Variants in HHIP observed in about 807,000 individuals in gnomAD.
HHIP encodes the protein hedgehog interacting protein, also known as hedgehog-interacting protein.
HHIP carries 12 observed loss-of-function variants against 74.0 expected under a neutral mutation model. The ratio of observed to expected loss-of-function variants is 0.16; its 90% CI spans 0.10 to 0.26. HHIP has a LOEUF of 0.26. Among genes scored for constraint, HHIP ranks in the 10% least tolerant of loss-of-function variants. The pLI, the probability that HHIP is intolerant of heterozygous loss-of-function variation, is 1.00. For synonymous variants in HHIP, 309 were observed against 311.6 expected (o/e 0.99, Z 0.09); for missense variants, 788 against 845.0 (o/e 0.93, Z 0.84).
chr4:144,656,708 T>A (rs1018174825), intron 2 of HHIP, among the ~76,000 whole-genome samples: 5 of 152,196 alleles, frequency 3.3e-5, no homozygotes, highest in Admixed American at 6.5e-5. Flanking sequence ...GCATGCATAA[T>A]ATAGGCATGG....
intron 4 of HHIP, among the ~76,000 whole-genome samples, chr4:144,704,928 G>A (rs921668142): frequency 2.6e-5 from 4 of 152,114 alleles, no homozygotes; most frequent in Non-Finnish European, 4.4e-5. Context: ...CAGCACCATC[G>A]AGTCAATATT....
intron 1 of HHIP, chr4:144,650,933 T>G (rs1370566502): frequency 6.6e-6 from 1 of 152,064 alleles, no homozygotes; most frequent in Non-Finnish European, 1.5e-5. Flanking sequence ...AATGGAAGAA[T>G]GCATAATCTC....
In HHIP at chr4:144,706,696, G is replaced by A. The variant is rs201355400; in HGVS notation, c.983+14G>A. On this transcript the variant is annotated intron_variant, in intron 5 of 12. Transcript: ENST00000296575. ...CACAGTATCCAGGTATCACTAAAAGGCATCGAAGCATAGAAATTTCTCATC... is the reference window on the plus strand; with the variant it reads ...CACAGTATCCAGGTATCACTAAAAGACATCGAAGCATAGAAATTTCTCATC... 1 of 1,569,956 alleles carries A rather than the reference G, an allele frequency of 6.4e-7. No homozygotes were observed. Among genetic ancestry groups the A allele is most frequent in the Non-Finnish European group, 8.6e-7 (1 of 1,164,384 alleles).
intron 4 of HHIP, among the ~76,000 whole-genome samples, chr4:144,667,278 G>T (rs568292507): frequency 6.6e-6 from 1 of 152,278 alleles, no homozygotes; most frequent in South Asian, 2.1e-4. Context: ...GAGCCCAGGA[G>T]TTCAAGGTTG....
intron 4 of HHIP, among the ~76,000 whole-genome samples, chr4:144,697,369 A>G (rs1729849617): frequency 1.3e-5 from 2 of 152,026 alleles, no homozygotes; most frequent in Non-Finnish European, 2.9e-5. Context: ...GATATTTCAC[A>G]CAGTTTAATT....
At chr4:144,734,203 A>C (rs1731043169) in intron 11 of HHIP, among the ~76,000 whole-genome samples, 1 of 151,752 alleles carries the variant, frequency 6.6e-6, no homozygotes, top group African/African-American at 2.4e-5. Flanking sequence ...ATATTATCTC[A>C]AAAGAAATAT....
chr4:144,721,563 GA>G (rs111346112), intron 11 of HHIP, among the ~76,000 whole-genome samples: 1,841 of 108,762 alleles, frequency 0.017, 49 homozygotes, highest in African/African-American at 0.059. Flanking sequence ...AAAAAAAATA[GA>G]AAATGCCTAG....
intron 12 of HHIP, among the ~76,000 whole-genome samples, chr4:144,735,761 C>A (rs1290701147): frequency 2.0e-5 from 3 of 152,224 alleles, no homozygotes; most frequent in Non-Finnish European, 1.5e-5. Flanking sequence ...TGTTTGTCCT[C>A]AAGATGTATT....
At chr4:144,688,946 A>T (rs367821700) in intron 4 of HHIP, among the ~76,000 whole-genome samples, 5 of 152,244 alleles carry the variant, frequency 3.3e-5, no homozygotes, top group African/African-American at 1.2e-4. Context: ...GGACGATGCC[A>T]TACCAGTAGG....
At chr4:144,674,261 T>G (rs1729118224) in intron 4 of HHIP, among the ~76,000 whole-genome samples, 1 of 152,246 alleles carries the variant, frequency 6.6e-6, no homozygotes, top group East Asian at 1.9e-4. Flanking sequence ...AAATAATGTT[T>G]TAATTTTGTC....
At chr4:144,687,867 A>C (rs1729533066) in intron 4 of HHIP, among the ~76,000 whole-genome samples, 1 of 146,624 alleles carries the variant, frequency 6.8e-6, no homozygotes, top group Non-Finnish European at 1.5e-5. Flanking sequence ...ACTTGTTAGG[A>C]ATGGAAATCC....
At chr4:144,665,796 C>A (rs1248647491) in intron 4 of HHIP, among the ~76,000 whole-genome samples, 1 of 152,178 alleles carries the variant, frequency 6.6e-6, no homozygotes, top group Non-Finnish European at 1.5e-5. Flanking sequence ...ACTGGAGTGA[C>A]AGATGCCATG....
At chr4:144,689,642 T>G (rs1162896072) in intron 4 of HHIP, among the ~76,000 whole-genome samples, 1 of 152,222 alleles carries the variant, frequency 6.6e-6, no homozygotes, top group East Asian at 1.9e-4. Context: ...ACCAATATTT[T>G]ATAGACCATT....
At chr4:144,672,125 A>G (rs1176697086) in intron 4 of HHIP, among the ~76,000 whole-genome samples, 1 of 152,104 alleles carries the variant, frequency 6.6e-6, no homozygotes, top group East Asian at 1.9e-4. Context: ...GCACTGGATG[A>G]CTCCATGCTT....
chr4:144,678,726 C>T (rs1729243355), intron 4 of HHIP, among the ~76,000 whole-genome samples: 2 of 152,128 alleles, frequency 1.3e-5, no homozygotes, highest in African/African-American at 2.4e-5. Flanking sequence ...ATGAAATCAT[C>T]GTTTTTATGG....
intron 4 of HHIP, among the ~76,000 whole-genome samples, chr4:144,687,842 T>C (rs1201561486): frequency 6.7e-6 from 1 of 149,566 alleles, no homozygotes; most frequent in Non-Finnish European, 1.5e-5. Context: ...ACATTCTATT[T>C]GCATACGGCT....
At chr4:144,712,885 G>GGTGTGTGTGTGTGT (rs4030000) in intron 8 of HHIP, among the ~76,000 whole-genome samples, 2 of 144,132 alleles carry the variant, frequency 1.4e-5, no homozygotes, top group African/African-American at 5.1e-5. Flanking sequence ...TTTTTTTTCA[G>GGTGTGTGTGTGTGT]GTGTGTGTGT....
intron 4 of HHIP, among the ~76,000 whole-genome samples, chr4:144,674,234 A>T (rs975922795): frequency 2.0e-5 from 3 of 152,218 alleles, no homozygotes; most frequent in African/African-American, 7.2e-5. Flanking sequence ...TTAGAGCTGT[A>T]TCCCACACAC....
chr4:144,711,092 A>G (rs1417524808), intron 7 of HHIP, among the ~76,000 whole-genome samples: 4 of 152,066 alleles, frequency 2.6e-5, no homozygotes, highest in South Asian at 4.1e-4. Context: ...TCACAGAGAT[A>G]CTCTGGCCCC....
Sources: gnomAD v4.1 joint callset for allele counts (sites outside exome capture counted in the v4.1 genomes callset) on GRCh38, gnomAD v4.1.1 for gene constraint, MANE v1.5 for transcripts, NCBI Gene and HGNC (gene_info 2026-07-23, HGNC 2026-07-21) for gene names.